The following PKIA variants were observed in gnomAD, a reference collection of about 807,000 sequenced individuals.
PKIA encodes cAMP-dependent protein kinase inhibitor alpha, also known as PKI-alpha.
Under a neutral mutation model 7.6 loss-of-function variants are expected in PKIA, and 4 were observed. The ratio of observed to expected loss-of-function variants is 0.52; its 90% CI spans 0.26 to 1.20. The LOEUF (loss-of-function observed/expected upper bound fraction) is 1.20, where lower values mean the gene tolerates loss of function less well. PKIA is among the 50% of genes most tolerant of loss of function. The pLI is 0.13. For synonymous variants in PKIA, 21 were observed against 30.7 expected, an observed-to-expected ratio of 0.68 and a Z score of 1.04; for missense variants, 73 against 86.2, an observed-to-expected ratio of 0.85 and a Z score of 0.61.
At position 78,560,124 on chromosome 8, in the gene PKIA, A is replaced by G. The variant is rs1807249636; in HGVS notation, c.-156-12687A>G. Among the ~76,000 whole-genome samples the G allele has an allele frequency of 2.0e-5, 3 of 152,268 alleles. No individual in the cohort carries two copies. In the South Asian group the frequency reaches 6.2e-4, roughly 32 times the overall value. ...TCATTTCCTGATTGCCACATCTGGA[A>G]CCCTGATTATATTTGCATTTCACAG... is the stretch of plus-strand genomic sequence containing the variant. On this transcript the variant is annotated intron_variant, in intron 1 of 3. Transcript: ENST00000396418.
intron 2 of PKIA, among the ~76,000 whole-genome samples, chr8:78,578,391 T>C (rs1278881432): frequency 6.6e-6 from 1 of 151,998 alleles, no homozygotes; most frequent in East Asian, 1.9e-4. Context: ...CTGCAGTTGA[T>C]AGACAAAATA....
At chr8:78,576,534 G>C (rs1807676881) in intron 2 of PKIA, among the ~76,000 whole-genome samples, 1 of 151,900 alleles carries the variant, frequency 6.6e-6, no homozygotes, top group South Asian at 2.1e-4. Flanking sequence ...TCTCAGTGCT[G>C]TCTAACGTTG....
At chr8:78,523,875 T>C (rs1414143563) in intron 1 of PKIA, among the ~76,000 whole-genome samples, 1 of 144,680 alleles carries the variant, frequency 6.9e-6, no homozygotes, top group African/African-American at 2.5e-5. Flanking sequence ...TACATATATA[T>C]TTATATAAAT....
intron 1 of PKIA, among the ~76,000 whole-genome samples, chr8:78,533,676 C>G (rs1021398712): frequency 1.3e-5 from 2 of 151,924 alleles, no homozygotes; most frequent in Admixed American, 6.6e-5. Flanking sequence ...GGCAACATAG[C>G]AAGACCCCAT....
At chr8:78,580,156 A>C (rs761579050) in intron 2 of PKIA, among the ~76,000 whole-genome samples, 2 of 152,074 alleles carry the variant, frequency 1.3e-5, no homozygotes, top group Admixed American at 6.6e-5. Context: ...AAGTATTAAA[A>C]TATTTAGATA....
At chr8:78,534,355 T>C (rs1486054877) in intron 1 of PKIA, 1 of 152,158 alleles carries the variant, frequency 6.6e-6, no homozygotes, top group Non-Finnish European at 1.5e-5. Context: ...TCTGAAATTC[T>C]TTCTTGGCGG....
chr8:78,535,958 C>G (rs1246297167), intron 1 of PKIA: 1 of 152,040 alleles, frequency 6.6e-6, no homozygotes, highest in Non-Finnish European at 1.5e-5. Context: ...AAATGGTCCT[C>G]TGAATCAGTG....
At chr8:78,586,998 T>C (rs186546888) in intron 2 of PKIA, among the ~76,000 whole-genome samples, 8 of 152,312 alleles carry the variant, frequency 5.3e-5, no homozygotes, top group Admixed American at 4.6e-4. Flanking sequence ...TAAGGCACTA[T>C]TAAACCGTAG....
chr8:78,542,613 T>C (rs188724252), intron 1 of PKIA, among the ~76,000 whole-genome samples: 1 of 152,322 alleles, frequency 6.6e-6, no homozygotes, highest in African/African-American at 2.4e-5. Context: ...CAGAATTTGC[T>C]GTATCTCTAT....
chr8:78,557,887 C>T (rs1184261887), intron 1 of PKIA, among the ~76,000 whole-genome samples: 2 of 152,042 alleles, frequency 1.3e-5, no homozygotes, highest in Non-Finnish European at 2.9e-5. Context: ...AACATTTTGT[C>T]TGATTTGTTT....
At chr8:78,591,090 T>A (rs1243432042) in intron 2 of PKIA, 1 of 152,438 alleles carries the variant, frequency 6.6e-6, no homozygotes, top group African/African-American at 2.4e-5. Flanking sequence ...CTGATGACAT[T>A]CTCTCCATTC....
chr8:78,579,643 T>A (rs1035022594), intron 2 of PKIA, among the ~76,000 whole-genome samples: 49 of 152,068 alleles, frequency 3.2e-4, no homozygotes, highest in African/African-American at 1.1e-3. Context: ...TATTTACACG[T>A]TTAGCAATGA....
At chr8:78,544,433 T>C (rs1214857935) in intron 1 of PKIA, among the ~76,000 whole-genome samples, 1 of 152,172 alleles carries the variant, frequency 6.6e-6, no homozygotes, top group Non-Finnish European at 1.5e-5. Flanking sequence ...GTCCTTCTCA[T>C]GGGTTCACCT....
intron 2 of PKIA, among the ~76,000 whole-genome samples, chr8:78,592,302 G>C (rs998160518): frequency 2.0e-5 from 3 of 151,966 alleles, no homozygotes; most frequent in African/African-American, 7.2e-5. Context: ...GTTAGCTATT[G>C]CTCTTTTATT....
chr8:78,592,878 T>C (rs1398941866), intron 2 of PKIA, among the ~76,000 whole-genome samples: 1 of 152,186 alleles, frequency 6.6e-6, no homozygotes, highest in East Asian at 1.9e-4. Flanking sequence ...CCTACAAGGA[T>C]ATGTATTATC....
chr8:78,524,356 A>T (rs1347217392), intron 1 of PKIA, among the ~76,000 whole-genome samples: 1 of 151,036 alleles, frequency 6.6e-6, no homozygotes, highest in Non-Finnish European at 1.5e-5. Flanking sequence ...AACTAGTGCC[A>T]TCAAAAATAA....
At chr8:78,592,480 C>T (rs918610007) in intron 2 of PKIA, among the ~76,000 whole-genome samples, 1 of 152,056 alleles carries the variant, frequency 6.6e-6, no homozygotes, top group Admixed American at 6.5e-5. Flanking sequence ...GCACATGGAA[C>T]TAAAAATATA....
intron 1 of PKIA, among the ~76,000 whole-genome samples, chr8:78,525,808 T>A (rs1308314874): frequency 1.3e-5 from 2 of 152,042 alleles, no homozygotes; most frequent in African/African-American, 4.8e-5. Flanking sequence ...TTTTAATTTA[T>A]TTATTTGGGG....
intron 1 of PKIA, among the ~76,000 whole-genome samples, chr8:78,537,395 G>A (rs776765181): frequency 6.6e-6 from 1 of 151,894 alleles, no homozygotes; most frequent in African/African-American, 2.4e-5. Context: ...TTGTCTGAAG[G>A]GTAGACATTT....
Sources: allele counts gnomAD v4.1 joint callset (sites outside exome capture counted in the v4.1 genomes callset), GRCh38; gene constraint gnomAD v4.1.1; transcripts MANE v1.5; gene names NCBI Gene and HGNC (gene_info 2026-07-23, HGNC 2026-07-21).